NRG3: variants seen among roughly 807,000 people sequenced by gnomAD.
NRG3 encodes neuregulin 3, also known as pro-neuregulin-3, membrane-bound isoform.
NRG3 carries 31 observed loss-of-function variants against 66.9 expected under a neutral mutation model. That is an observed-to-expected ratio of 0.46 (90% confidence interval 0.35 to 0.63). The LOEUF (loss-of-function observed/expected upper bound fraction) is 0.63, where lower values mean the gene tolerates loss of function less well. Ranked by LOEUF, NRG3 falls within the 20% of genes least tolerant of loss-of-function variation. NRG3 has a pLI of 0.00. For missense variants in NRG3, 910 were observed against 878.9 expected, an observed-to-expected ratio of 1.04 and a Z score of -0.45; for synonymous variants, 393 against 359.4, an observed-to-expected ratio of 1.09 and a Z score of -1.06.
intron 3 of NRG3, among the ~76,000 whole-genome samples, chr10:82,807,556 C>T (rs1163936117): frequency 2.6e-5 from 4 of 152,152 alleles, no homozygotes; most frequent in African/African-American, 9.7e-5. Flanking sequence ...AATGTAATTT[C>T]CTTTCTTGTT....
chr10:82,252,055 A>G (rs893607284), intron 1 of NRG3, among the ~76,000 whole-genome samples: 3 of 152,210 alleles, frequency 2.0e-5, no homozygotes, highest in African/African-American at 7.2e-5. Context: ...AGCAAGACTC[A>G]GAGACTGAGG....
intron 1 of NRG3, among the ~76,000 whole-genome samples, chr10:82,356,492 G>A (rs2083788841): frequency 6.6e-6 from 1 of 152,178 alleles, no homozygotes. Flanking sequence ...CCCATAGAGA[G>A]ATTGATTCTG....
At chr10:82,183,714 T>G (rs1380426156) in intron 1 of NRG3, among the ~76,000 whole-genome samples, 3 of 152,196 alleles carry the variant, frequency 2.0e-5, no homozygotes, top group Non-Finnish European at 4.4e-5. Flanking sequence ...TTGGTTGCCA[T>G]GACTGGGGAG....
chr10:82,207,704 G>A (rs988734456), intron 1 of NRG3, among the ~76,000 whole-genome samples: 6 of 152,166 alleles, frequency 3.9e-5, no homozygotes, highest in Admixed American at 2.0e-4. Flanking sequence ...TGGCGAAAGG[G>A]GAAGCGGGCA....
intron 2 of NRG3, among the ~76,000 whole-genome samples, chr10:82,455,554 G>A (rs1028971238): frequency 6.6e-6 from 1 of 151,950 alleles, no homozygotes; most frequent in Non-Finnish European, 1.5e-5. Flanking sequence ...GAATGTGAAG[G>A]CCTGTTTACT....
chr10:82,951,526 T>C lies in NRG3; in HGVS notation c.1112T>C (p.Ile371Thr), dbSNP rs775015528. The C allele has an allele frequency of 4.3e-6, 7 of 1,614,010 alleles. No individual in the cohort carries two copies. Among genetic ancestry groups the C allele is most frequent in the Admixed American group, 3.3e-5 (2 of 60,002 alleles). Residue 371 changes from isoleucine (I) to threonine (T), a missense_variant, in exon 5 of 9, where the codon ATT (isoleucine) becomes ACT (threonine). Coordinates refer to ENST00000372141, the MANE Select transcript of NRG3 (RefSeq NM_001010848.4). ...VLSISCIIFG[I>T]VIVGMFCAAF... ...TCAATTTCATGTATCATCTTTGGAA[T>C]TGTCATCGTGGGCATGTTCTGTGCA...
chr10:82,237,822 A>G (rs750209000), intron 1 of NRG3, among the ~76,000 whole-genome samples: 6 of 152,286 alleles, frequency 3.9e-5, no homozygotes, highest in Middle Eastern at 6.8e-3. Context: ...TTTCAAAATG[A>G]TGCTTTTTCC....
chr10:82,933,838 T>C (rs1847814085), intron 4 of NRG3, among the ~76,000 whole-genome samples: 1 of 152,188 alleles, frequency 6.6e-6, no homozygotes, highest in African/African-American at 2.4e-5. Context: ...GAAATACTTA[T>C]TTCAATATCC....
chr10:82,627,406 A>C (rs2049504609), intron 2 of NRG3, among the ~76,000 whole-genome samples: 1 of 152,170 alleles, frequency 6.6e-6, no homozygotes, highest in Non-Finnish European at 1.5e-5. Context: ...TCTTGACTGC[A>C]TGCAGTCAAC....
intron 1 of NRG3, among the ~76,000 whole-genome samples, chr10:82,220,649 C>T (rs1224605847): frequency 6.6e-6 from 1 of 152,006 alleles, no homozygotes; most frequent in African/African-American, 2.4e-5. Context: ...TTCTCAATAC[C>T]ACATGCTTTG....
chr10:82,130,829 C>T (rs537374638), intron 1 of NRG3, among the ~76,000 whole-genome samples: 10 of 152,146 alleles, frequency 6.6e-5, no homozygotes, highest in Admixed American at 2.0e-4. Flanking sequence ...GTTTGCCATT[C>T]GTGTGTCTTT....
rs576544955 is a variant in NRG3, at chr10:82,272,837, A to G, written c.824-85902A>G. 2.6e-5 allele frequency among the ~76,000 whole-genome samples: 4 copies of G among 152,056 alleles called. No homozygotes were observed. In the East Asian group the frequency reaches 7.8e-4, roughly 30 times the overall value. ...AGATATTAACGTAGAGATTTTGATA[A>G]ATTGCCTCTGCTGTCCTTGGATTAC... On this transcript the variant is annotated intron_variant, in intron 1 of 8. Transcript: ENST00000372141.
chr10:82,406,742 C>A (rs1435603943), intron 2 of NRG3, among the ~76,000 whole-genome samples: 1 of 152,022 alleles, frequency 6.6e-6, no homozygotes, highest in Non-Finnish European at 1.5e-5. Context: ...ATTTTGAGTA[C>A]ATAAAAATTG....
chr10:82,216,460 A>ATG (rs141417032), intron 1 of NRG3, among the ~76,000 whole-genome samples: 24,325 of 146,154 alleles, frequency 0.17, 2,607 homozygotes, highest in East Asian at 0.35. Flanking sequence ...TTTTATATAT[A>ATG]TGTGTGTGTG....
At chr10:82,630,500 C>A (rs1005892977) in intron 2 of NRG3, among the ~76,000 whole-genome samples, 1 of 151,556 alleles carries the variant, frequency 6.6e-6, no homozygotes, top group Non-Finnish European at 1.5e-5. Flanking sequence ...TCCTTTCCAC[C>A]AGTTATTTTC....
intron 3 of NRG3, among the ~76,000 whole-genome samples, chr10:82,829,912 G>A (rs961239537): frequency 5.3e-5 from 8 of 152,236 alleles, no homozygotes; most frequent in Admixed American, 1.3e-4. Flanking sequence ...CTGAGTCCCC[G>A]TCAATGAGAT....
At chr10:82,055,058 A>C (rs934252990) in intron 1 of NRG3, among the ~76,000 whole-genome samples, 11 of 152,112 alleles carry the variant, frequency 7.2e-5, no homozygotes, top group Admixed American at 3.9e-4. Context: ...AGGGAAAAGA[A>C]GAAAGAAAAG....
Position 82,001,195 on chromosome 10 carries a change from GAA to G in NRG3, c.823+125046_823+125047del, listed in dbSNP as rs775801982. 2.5e-3 allele frequency among the ~76,000 whole-genome samples: 299 copies of G among 119,818 alleles called. 3 individuals are homozygous for G. Among genetic ancestry groups the G allele is most frequent in the African/African-American group, 7.1e-3 (252 of 35,518 alleles). 78.6% of individuals were successfully genotyped at this position (119,818 alleles called of 152,430 possible). On this transcript the variant is annotated intron_variant, in intron 1 of 8. Transcript: ENST00000372141. Reference sequence around the variant, plus strand: ...ATTTTTAAAAAAGGAAAGTGTAAGAGAAAAAAAAAAAAAAAGCAAAGGAAAGG... The same window carrying G: ...ATTTTTAAAAAAGGAAAGTGTAAGAGAAAAAAAAAAAAAGCAAAGGAAAGG...
rs185896879 is a variant in NRG3 at position 82,182,617 on chromosome 10, T to C, written c.824-176122T>C. Among the ~76,000 whole-genome samples, 10 of 152,078 alleles carry C rather than the reference T, an allele frequency of 6.6e-5. No individual in the cohort carries two copies. In the East Asian group the frequency reaches 1.9e-3, roughly 29 times the overall value. On this transcript the variant is annotated intron_variant, in intron 1 of 8. Coordinates refer to ENST00000372141, the MANE Select transcript of NRG3 (RefSeq NM_001010848.4). Reference sequence around the variant, plus strand: ...GTATATTTTTATAGTTATTGCTATTTTTATGCTTTTGTCTTTCAACTTCTA... The same window carrying C: ...GTATATTTTTATAGTTATTGCTATTCTTATGCTTTTGTCTTTCAACTTCTA...
Sources: allele counts gnomAD v4.1 joint callset (sites outside exome capture counted in the v4.1 genomes callset), GRCh38; gene constraint gnomAD v4.1.1; transcripts MANE v1.5; gene names NCBI Gene and HGNC (gene_info 2026-07-23, HGNC 2026-07-21).